The following ATXN7 variants were observed in gnomAD, a reference collection of about 807,000 sequenced individuals.
The protein encoded by ATXN7 is ataxin-7.
Under a neutral mutation model 70.5 loss-of-function variants are expected in ATXN7, and 12 were observed. That is an observed-to-expected ratio of 0.17 (90% CI 0.11 to 0.28). The LOEUF (loss-of-function observed/expected upper bound fraction) is 0.28. ATXN7 is among the 10% of genes least tolerant of loss of function. The probability of loss-of-function intolerance (pLI) is 1.00; values close to 1 mark genes in which losing one functional copy is unlikely to be tolerated. For synonymous variants in ATXN7, 498 were observed against 448.7 expected, an observed-to-expected ratio of 1.11 and a Z score of -1.39; for missense variants, 1,256 against 1,131.7, an observed-to-expected ratio of 1.11 and a Z score of -1.58.
chr3:63,921,358 C>T (rs1448791909), intron 4 of ATXN7, among the ~76,000 whole-genome samples: 3 of 152,154 alleles, frequency 2.0e-5, no homozygotes, highest in Admixed American at 2.0e-4. Flanking sequence ...GGTCCCCAGG[C>T]TTTATATTTC....
intron 5 of ATXN7, chr3:63,967,689 C>T: frequency 9.6e-7 from 1 of 1,043,914 alleles, no homozygotes; most frequent in Non-Finnish European, 1.3e-6. Context: ...GATTAATTTA[C>T]ACCAGCCAGG....
Position 63,990,324 on chromosome 3 carries a change from G to T in ATXN7, c.1510G>T (p.Val504Phe). The change falls in exon 10 of 13, where the codon GTT becomes TTT. Residue 504 changes from valine to phenylalanine, a missense_variant. Coordinates refer to ENST00000674280, the MANE Select transcript of ATXN7 (RefSeq NM_001377405.1). ...CGAAGGCGATGACAAAGAAGAGTCT[G>T]TTGAAAAACTGGACTGTCATTATTC... ...EGEGDDKEES[V>F]EKLDCHYSGH... 6.2e-7 allele frequency: 1 copy of T among 1,614,158 alleles called. No homozygotes were observed. The highest frequency in any genetic ancestry group is 2.2e-5 in the East Asian group (1 of 44,860).
intron 11 of ATXN7, among the ~76,000 whole-genome samples, chr3:63,993,859 G>A (rs2075712424): frequency 6.6e-6 from 1 of 152,110 alleles, no homozygotes; most frequent in Non-Finnish European, 1.5e-5. Context: ...ATTTAGAGCA[G>A]GGCTTCTGAA....
intron 11 of ATXN7, among the ~76,000 whole-genome samples, chr3:63,993,199 C>T (rs958191932): frequency 6.6e-6 from 1 of 151,886 alleles, no homozygotes; most frequent in African/African-American, 2.4e-5. Context: ...ACTACTTGTC[C>T]TCTGTTGATT....
intron 6 of ATXN7, 37 bp from the exon 7 acceptor site, chr3:63,982,149 A>T (rs1479658339): frequency 6.2e-7 from 1 of 1,612,866 alleles, no homozygotes; most frequent in South Asian, 1.1e-5. Context: ...CTGCTGAGGC[A>T]CTCAGGCACT....
rs1351518521 is a variant in ATXN7 at position 63,901,789 on chromosome 3, C to T, written c.-12+3292C>T. On this transcript the variant is annotated intron_variant, in intron 2 of 12. Transcript: ENST00000674280. ...AGTATTCCATTGTGTGTGTGTATAA[C>T]ACAGTGGAATATTATTTAGCCATAA... 5.3e-5 allele frequency: 8 copies of T among 151,984 alleles called. No homozygotes were observed. The East Asian group carries it at 1.6e-3, about 29-fold the overall frequency. The allele number at this position is 151,984 out of a possible 1,614,324, so 9.4% of individuals were successfully genotyped here.
chr3:63,940,820 G>C (rs964065846), intron 4 of ATXN7, among the ~76,000 whole-genome samples: 1 of 152,154 alleles, frequency 6.6e-6, no homozygotes, highest in Admixed American at 6.5e-5. Context: ...TAGACTACAT[G>C]CTTGTCCAAA....
At chr3:63,891,542 C>G (rs185689510) in intron 1 of ATXN7, among the ~76,000 whole-genome samples, 2 of 150,092 alleles carry the variant, frequency 1.3e-5, no homozygotes, top group Non-Finnish European at 3.0e-5. Context: ...AGGCTGATCT[C>G]GAACTCCTGG....
intron 5 of ATXN7, among the ~76,000 whole-genome samples, chr3:63,963,854 C>T (rs1182292141): frequency 1.3e-5 from 2 of 152,128 alleles, no homozygotes; most frequent in Non-Finnish European, 2.9e-5. Context: ...GGTTTAGTTT[C>T]TGTGGGATAG....
At chr3:63,981,089 C>A (rs1489821654) in intron 6 of ATXN7, among the ~76,000 whole-genome samples, 1 of 152,176 alleles carries the variant, frequency 6.6e-6, no homozygotes, top group Non-Finnish European at 1.5e-5. Context: ...TAGCACACAT[C>A]GTAGGTCCAA....
intron 11 of ATXN7, among the ~76,000 whole-genome samples, chr3:63,994,324 T>G (rs1035190520): frequency 6.6e-6 from 1 of 152,130 alleles, no homozygotes; most frequent in African/African-American, 2.4e-5. Context: ...GACCTCCACC[T>G]CCCCGGTTCA....
At chr3:63,895,749 C>CTT (rs1184253166) in intron 1 of ATXN7, among the ~76,000 whole-genome samples, 1 of 151,756 alleles carries the variant, frequency 6.6e-6, no homozygotes, top group Middle Eastern at 3.2e-3. Context: ...CTCTCTCTCT[C>CTT]TTTCTCTCTT....
In ATXN7 at chr3:63,983,005, G is replaced by C. The variant is rs767174221; in HGVS notation, c.1079G>C (p.Arg360Pro). ...CTCGACACCAAGAAGCCCTGCACCC[G>C]GTCTTTGACATGCAAGGTAGGTGGA... ...IDLDTKKPCT[R>P]SLTCKTHSLT... The change falls in exon 8 of 13, where the codon CGG becomes CCG. Residue 360 changes from arginine to proline, a missense_variant. Arg to Pro is a moderately radical substitution (Grantham distance 103). Transcript: ENST00000674280. 1 of 1,613,706 alleles carries C rather than the reference G, an allele frequency of 6.2e-7. No individual in the cohort carries two copies. The highest frequency in any genetic ancestry group is 1.3e-5 in the African/African-American group (1 of 74,822).
At chr3:63,946,490 A>C (rs1236371618) in intron 4 of ATXN7, among the ~76,000 whole-genome samples, 4 of 151,980 alleles carry the variant, frequency 2.6e-5, no homozygotes, top group African/African-American at 7.3e-5. Context: ...ATACAAAAAG[A>C]AAATTAGCCG....
chr3:63,892,490 CA>C (rs1559622132), intron 1 of ATXN7, among the ~76,000 whole-genome samples: 2 of 150,030 alleles, frequency 1.3e-5, no homozygotes, highest in African/African-American at 5.0e-5. Context: ...CACACACACA[CA>C]CACCCACACA....
intron 1 of ATXN7, among the ~76,000 whole-genome samples, chr3:63,879,872 A>G (rs1472373162): frequency 6.6e-6 from 1 of 152,018 alleles, no homozygotes; most frequent in African/African-American, 2.4e-5. Flanking sequence ...TCACGAGGTC[A>G]GGAGATCAAG....
chr3:63,881,485 T>C (rs1269764773), intron 1 of ATXN7, among the ~76,000 whole-genome samples: 1 of 108,530 alleles, frequency 9.2e-6, no homozygotes, highest in Non-Finnish European at 2.1e-5. Context: ...GGTTGGAGCA[T>C]TTTTTTTTTT....
chr3:63,897,445 G>A (rs989489837), intron 1 of ATXN7, among the ~76,000 whole-genome samples: 3 of 152,118 alleles, frequency 2.0e-5, no homozygotes, highest in Admixed American at 6.6e-5. Context: ...TTCAAAACAT[G>A]GCATATAATT....
At chr3:63,887,924 T>C (rs1703137327) in intron 1 of ATXN7, among the ~76,000 whole-genome samples, 1 of 151,862 alleles carries the variant, frequency 6.6e-6, no homozygotes. Context: ...GATTTTAGGA[T>C]ATAAGGAAAC....
Sources: allele counts gnomAD v4.1 joint callset (sites outside exome capture counted in the v4.1 genomes callset), GRCh38; gene constraint gnomAD v4.1.1; transcripts MANE v1.5; gene names NCBI Gene and HGNC (gene_info 2026-07-23, HGNC 2026-07-21).